FBXW2: variants seen among roughly 807,000 people sequenced by gnomAD.
The protein encoded by FBXW2 is F-box and WD repeat domain containing 2.
In FBXW2, 12 loss-of-function variants were observed where a neutral mutation model predicts 46.0. The observed-to-expected ratio is 0.26, with a 90% CI of 0.17 to 0.42. The LOEUF (loss-of-function observed/expected upper bound fraction) is 0.42. FBXW2 is among the 10% of genes least tolerant of loss of function. FBXW2 has a pLI of 1.00. For missense variants in FBXW2, 360 were observed against 537.0 expected (o/e 0.67, Z 3.26); for synonymous variants, 203 against 209.6 (o/e 0.97, Z 0.27).
chr9:120,791,638 G>A (rs2044844067), intron 2 of FBXW2, among the ~76,000 whole-genome samples: 1 of 152,174 alleles, frequency 6.6e-6, no homozygotes, highest in Non-Finnish European at 1.5e-5. Flanking sequence ...GAATGGACAT[G>A]ACCACTAACA....
chr9:120,775,502 T>TCA (rs1255361340), intron 5 of FBXW2, among the ~76,000 whole-genome samples: 1 of 152,220 alleles, frequency 6.6e-6, no homozygotes, highest in Non-Finnish European at 1.5e-5. Context: ...TCCTGTTTTC[T>TCA]CAGCCCCCTC....
At chr9:120,772,135 C>T (rs545131571) in intron 6 of FBXW2, among the ~76,000 whole-genome samples, 6 of 148,668 alleles carry the variant, frequency 4.0e-5, no homozygotes, top group Non-Finnish European at 7.4e-5. Flanking sequence ...CAATTCATTA[C>T]AATAAATATT....
In FBXW2 at chr9:120,758,615, G is replaced by C. The variant is rs970436902; in HGVS notation, c.*5944C>G. On this transcript the variant is annotated 3_prime_UTR_variant, in exon 8 of 8. Coordinates refer to ENST00000608872, the MANE Select transcript of FBXW2 (RefSeq NM_012164.4). ...AACATGAAAACATGGAAAAAATCCA[G>C]GTGTGTGGGGGCTGAAAATCAGGGC... 6.6e-6 allele frequency: 1 copy of C among 152,184 alleles called. No individual in the cohort carries two copies. The highest frequency in any genetic ancestry group is 1.5e-5 in the Non-Finnish European group (1 of 68,054). The allele number at this position is 152,184 out of a possible 1,614,324, so 9.4% of individuals were successfully genotyped here.
Position 120,787,749 on chromosome 9 carries a change from G to A in FBXW2, c.490+20C>T, listed in dbSNP as rs7026635. On this transcript the variant is annotated intron_variant, in intron 3 of 7. Transcript: ENST00000608872. Reference sequence around the variant, plus strand: ...TGAAATACAAAACAAAACCCAAAAAGCAGTTTCAACATCTCTTACCTGTAC... The same window carrying A: ...TGAAATACAAAACAAAACCCAAAAAACAGTTTCAACATCTCTTACCTGTAC... 0.75 allele frequency: 1,178,133 copies of A among 1,581,226 alleles called. 441,342 individuals are homozygous for A. Among genetic ancestry groups the A allele is most frequent in the Admixed American group, 0.86 (44,810 of 52,176 alleles).
chr9:120,784,824 G>C (rs1257701486), intron 3 of FBXW2, among the ~76,000 whole-genome samples: 1 of 151,106 alleles, frequency 6.6e-6, no homozygotes, highest in Non-Finnish European at 1.5e-5. Flanking sequence ...AGGAAGCTGA[G>C]GCGAGAGAAT....
intron 3 of FBXW2, among the ~76,000 whole-genome samples, chr9:120,779,350 T>C (rs952279402): frequency 8.5e-5 from 13 of 152,178 alleles, no homozygotes; most frequent in Admixed American, 7.2e-4. Context: ...ATCCACTAAA[T>C]ACAGTCACTA....
chr9:120,769,959 T>G (rs1054533129), intron 7 of FBXW2, among the ~76,000 whole-genome samples: 6 of 152,262 alleles, frequency 3.9e-5, no homozygotes, highest in African/African-American at 1.2e-4. Flanking sequence ...TTAGAAATGT[T>G]GGTCTGATTC....
chr9:120,781,663 C>T (rs945488624), intron 3 of FBXW2, among the ~76,000 whole-genome samples: 6 of 150,998 alleles, frequency 4.0e-5, no homozygotes, highest in Admixed American at 1.3e-4. Context: ...CACACACACA[C>T]ACACACACAC....
chr9:120,768,770 C>T (rs1171042484), intron 7 of FBXW2, among the ~76,000 whole-genome samples: 5 of 150,814 alleles, frequency 3.3e-5, no homozygotes, highest in Admixed American at 6.6e-5. Context: ...TGCAGTGAGC[C>T]GAGATCACAC....
At chr9:120,775,978 G>T in intron 5 of FBXW2, 115 bp downstream of exon 5, 1 of 1,256,160 alleles carries the variant, frequency 8.0e-7, no homozygotes, top group Non-Finnish European at 1.1e-6. Context: ...ATGCTTTGTA[G>T]GTACAGCAAT....
intron 3 of FBXW2, among the ~76,000 whole-genome samples, chr9:120,783,528 A>G (rs982688689): frequency 6.6e-6 from 1 of 152,198 alleles, no homozygotes; most frequent in Non-Finnish European, 1.5e-5. Context: ...CAGATCTAAC[A>G]ACTCTGACCC....
At position 120,762,838 on chromosome 9, in the gene FBXW2, C is replaced by G. The variant is rs1234780735; in HGVS notation, c.*1721G>C. 1 of 152,210 alleles carries G rather than the reference C, an allele frequency of 6.6e-6. No individual in the cohort carries two copies. Among genetic ancestry groups the G allele is most frequent in the Non-Finnish European group, 1.5e-5 (1 of 68,052 alleles). 9.4% of individuals were successfully genotyped at this position (152,210 alleles called of 1,614,324 possible). On this transcript the variant is annotated 3_prime_UTR_variant, in exon 8 of 8. Coordinates refer to ENST00000608872, the MANE Select transcript of FBXW2 (RefSeq NM_012164.4). ...ATTCTTATGTTCATCTTCAAACTAC[C>G]TTCCTATTGGTCTGTGAATGAAATA...
Position 120,793,059 on chromosome 9 carries a change from G to C in FBXW2, c.-21+90C>G, listed in dbSNP as rs182018236. ...TAGGAGGCAGTAACTCCAAAACCCTGTTTTCCCGTCTCTAAAATCCAGATC... is the reference window on the plus strand; with the variant it reads ...TAGGAGGCAGTAACTCCAAAACCCTCTTTTCCCGTCTCTAAAATCCAGATC... On this transcript the variant is annotated intron_variant, in intron 2 of 7. Coordinates refer to ENST00000608872, the MANE Select transcript of FBXW2 (RefSeq NM_012164.4). The C allele has an allele frequency of 2.3e-4, 237 of 1,043,842 alleles. 3 individuals carry two copies. The African/African-American group carries it at 3.2e-3, about 14-fold the overall frequency. 64.7% of individuals were successfully genotyped at this position (1,043,842 alleles called of 1,614,324 possible). A position where few individuals can be genotyped will look rare whatever the true frequency, so the allele number is the denominator to read the frequency against.
intron 3 of FBXW2, among the ~76,000 whole-genome samples, chr9:120,786,102 C>G (rs1302848113): frequency 2.0e-5 from 3 of 151,162 alleles, no homozygotes; most frequent in African/African-American, 4.9e-5. Context: ...ACTTCTATCC[C>G]AAATGAATTC....
At chr9:120,771,994 G>T (rs2044385128) in intron 6 of FBXW2, among the ~76,000 whole-genome samples, 1 of 150,134 alleles carries the variant, frequency 6.7e-6, no homozygotes, top group South Asian at 2.1e-4. Flanking sequence ...GGGAGGCAGA[G>T]GTTGCAGTAA....
intron 3 of FBXW2, among the ~76,000 whole-genome samples, chr9:120,782,815 C>T (rs926944816): frequency 2.6e-5 from 4 of 152,088 alleles, no homozygotes; most frequent in African/African-American, 9.7e-5. Flanking sequence ...GTACTCCAAC[C>T]ACTCCAACCT....
At chr9:120,767,665 CA>C (rs1219502483) in intron 7 of FBXW2, among the ~76,000 whole-genome samples, 2 of 152,180 alleles carry the variant, frequency 1.3e-5, no homozygotes, top group Admixed American at 6.5e-5. Flanking sequence ...GTGAATAAGA[CA>C]AAGTTCCTCA....
At chr9:120,771,541 A>G in intron 6 of FBXW2, 24 bp from the exon 7 acceptor site, 1 of 1,595,340 alleles carries the variant, frequency 6.3e-7, no homozygotes, top group South Asian at 1.1e-5. Flanking sequence ...AAAATGAGGA[A>G]AGATGAGAGA....
At position 120,793,366 on chromosome 9, in the gene FBXW2, C is replaced by T. The variant is rs1194198165; in HGVS notation, c.-142G>A. On this transcript the variant is annotated 5_prime_UTR_variant, in exon 1 of 8. Transcript: ENST00000608872. ...CTCGCATACAGACCCGGACCTGCGGCCGCTGCTCCCGGTCCGCAGCCTCAC... is the reference window on the plus strand; with the variant it reads ...CTCGCATACAGACCCGGACCTGCGGTCGCTGCTCCCGGTCCGCAGCCTCAC... 2 of 401,070 alleles carry T rather than the reference C, an allele frequency of 5.0e-6. No homozygotes were observed. Among genetic ancestry groups the T allele is most frequent in the Non-Finnish European group, 8.8e-6 (2 of 227,636 alleles). The allele number at this position is 401,070 out of a possible 1,614,324, so 24.8% of individuals were successfully genotyped here. A position where few individuals can be genotyped will look rare whatever the true frequency, so the allele number is the denominator to read the frequency against.
Sources: gnomAD v4.1 joint callset for allele counts (sites outside exome capture counted in the v4.1 genomes callset) on GRCh38, gnomAD v4.1.1 for gene constraint, MANE v1.5 for transcripts, NCBI Gene and HGNC (gene_info 2026-07-23, HGNC 2026-07-21) for gene names.